EFHC2: variants seen among roughly 807,000 people sequenced by gnomAD.
The protein encoded by EFHC2 is EF-hand domain containing 2.
Under a neutral mutation model 52.7 loss-of-function variants are expected in EFHC2, and 18 were observed. The observed-to-expected ratio is 0.34, with a 90% CI of 0.24 to 0.51. EFHC2 has a LOEUF of 0.51. Ranked by LOEUF, EFHC2 falls within the 20% of genes least tolerant of loss-of-function variation. The pLI is 0.97. For synonymous variants in EFHC2, 203 were observed against 204.1 expected (o/e 0.99, Z 0.04); for missense variants, 513 against 562.5 (o/e 0.91, Z 0.89).
At chrX:44,200,270 A>G (rs1230234243) in intron 11 of EFHC2, among the ~76,000 whole-genome samples, 1 of 111,862 alleles carries the variant, frequency 8.9e-6, no homozygotes, top group Non-Finnish European at 1.9e-5. Flanking sequence ...GGAGGAAGAA[A>G]GTCCAATTTA....
At chrX:44,194,281 C>A (rs2036945202) in intron 11 of EFHC2, among the ~76,000 whole-genome samples, 1 of 111,498 alleles carries the variant, frequency 9.0e-6, no homozygotes, top group Non-Finnish European at 1.9e-5. Context: ...ATGAAGAATT[C>A]TGAGCTTGGG....
At chrX:44,292,256 G>A (rs186327311) in intron 2 of EFHC2, among the ~76,000 whole-genome samples, 5 of 109,949 alleles carry the variant, frequency 4.5e-5, no homozygotes, top group Non-Finnish European at 7.6e-5. Flanking sequence ...ATGTAGGTTC[G>A]GTACCCCATA....
At chrX:44,162,389 C>T (rs762118475) in intron 14 of EFHC2, among the ~76,000 whole-genome samples, 1 of 111,564 alleles carries the variant, frequency 9.0e-6, no homozygotes, top group East Asian at 2.8e-4. Flanking sequence ...TATCACTGCA[C>T]TCCAGCCTGG....
At chrX:44,339,006 C>G (rs1182937667) in intron 1 of EFHC2, among the ~76,000 whole-genome samples, 1 of 110,809 alleles carries the variant, frequency 9.0e-6, no homozygotes, top group African/African-American at 3.3e-5. Context: ...GCCTGATCAA[C>G]ATGGTAAAAC....
At chrX:44,198,744 G>C (rs1027830755) in intron 11 of EFHC2, among the ~76,000 whole-genome samples, 2 of 111,147 alleles carry the variant, frequency 1.8e-5, no homozygotes, top group African/African-American at 6.6e-5. Context: ...TAAGAGCTTA[G>C]ATTTTTTAAC....
intron 11 of EFHC2, among the ~76,000 whole-genome samples, chrX:44,209,019 CTGTGTGTGTGTG>C (rs753101565): frequency 0.034 from 2,384 of 69,872 alleles, 62 homozygotes; most frequent in African/African-American, 0.041. Flanking sequence ...GATTGGCAAT[CTGTGTGTGTGTG>C]TGTGTGTGTG....
chrX:44,266,973 T>C (rs1254823943), intron 3 of EFHC2, among the ~76,000 whole-genome samples: 1 of 111,777 alleles, frequency 8.9e-6, no homozygotes, highest in Non-Finnish European at 1.9e-5. Flanking sequence ...TCAACCAAGA[T>C]GCACTAAGAA....
At position 44,186,932 on chromosome X, in the gene EFHC2, A is replaced by G. The variant is rs146649596; in HGVS notation, c.1752-8368T>C. Among the ~76,000 whole-genome samples, 227 of 107,525 alleles carry G rather than the reference A, an allele frequency of 2.1e-3. 1 individual carries two copies. Among genetic ancestry groups the G allele is most frequent in the African/African-American group, 7.4e-3 (217 of 29,169 alleles). The allele number at this position is 107,525 out of a possible 115,157, so 93.4% of individuals were successfully genotyped here. On this transcript the variant is annotated intron_variant, in intron 11 of 14. Transcript: ENST00000420999. Reference sequence around the variant, plus strand: ...CAAGAGTTCAAGGCCAACCTGGGAAACCTAATGAGACTCCATCTCTACCAA... The same window carrying G: ...CAAGAGTTCAAGGCCAACCTGGGAAGCCTAATGAGACTCCATCTCTACCAA...
At chrX:44,191,285 G>T (rs1162595437) in intron 11 of EFHC2, among the ~76,000 whole-genome samples, 2 of 110,813 alleles carry the variant, frequency 1.8e-5, no homozygotes, top group Non-Finnish European at 3.8e-5. Context: ...GCCCAGGCTG[G>T]AGTGCAATGG....
intron 13 of EFHC2, among the ~76,000 whole-genome samples, chrX:44,175,700 A>G (rs898973640): frequency 2.7e-5 from 3 of 111,937 alleles, no homozygotes; most frequent in African/African-American, 9.7e-5. Flanking sequence ...ATCAAGATAT[A>G]TAAGTCAGAG....
intron 2 of EFHC2, chrX:44,286,104 G>T: frequency 1.7e-5 from 2 of 117,560 alleles, no homozygotes; most frequent in South Asian, 2.9e-4. Flanking sequence ...CTCCCTCGCT[G>T]GGTTCCCAAA....
chrX:44,237,982 G>A (rs1353901129), intron 8 of EFHC2, among the ~76,000 whole-genome samples: 1 of 111,366 alleles, frequency 9.0e-6, no homozygotes, highest in Non-Finnish European at 1.9e-5. Flanking sequence ...ACATGCTGAT[G>A]GCATCCACAT....
chrX:44,168,618 G>A (rs141652521), intron 13 of EFHC2, among the ~76,000 whole-genome samples: 2,178 of 111,415 alleles, frequency 0.02, 22 homozygotes, highest in Non-Finnish European at 0.031. Flanking sequence ...AGAGACCAGA[G>A]GCTTGTTCTC....
Position 44,320,557 on chromosome X carries a change from C to T in EFHC2, c.43-7801G>A, listed in dbSNP as rs753784583. On this transcript the variant is annotated intron_variant, in intron 1 of 14. Coordinates refer to ENST00000420999, the MANE Select transcript of EFHC2 (RefSeq NM_025184.4). The stretch of plus-strand genomic sequence containing the variant: ...ATTCACGTGGGTCCTAACTGTCTCT[C>T]CTTGCAGTACTGGCTTACTTGTGTC... Among the ~76,000 whole-genome samples, 17 of 111,521 alleles carry T rather than the reference C, an allele frequency of 1.5e-4. No homozygotes were observed. In the Admixed American group the frequency reaches 1.6e-3, roughly 11 times the overall value.
intron 2 of EFHC2, among the ~76,000 whole-genome samples, chrX:44,292,086 T>C (rs2037796042): frequency 9.0e-6 from 1 of 111,678 alleles, no homozygotes; most frequent in African/African-American, 3.3e-5. Context: ...ACATTCAATA[T>C]GAAAAATACA....
chrX:44,206,243 C>T (rs2037047638), intron 11 of EFHC2, among the ~76,000 whole-genome samples: 1 of 111,867 alleles, frequency 8.9e-6, no homozygotes, highest in African/African-American at 3.2e-5. Context: ...GTTTATAGTG[C>T]TAAAGGCTTA....
At chrX:44,169,632 T>C (rs1352847801) in intron 13 of EFHC2, among the ~76,000 whole-genome samples, 3 of 109,687 alleles carry the variant, frequency 2.7e-5, no homozygotes, top group East Asian at 5.7e-4. Flanking sequence ...AAATAATTAA[T>C]AGAAAGTTTC....
chrX:44,280,674 TTA>T (rs1353781285), intron 2 of EFHC2, among the ~76,000 whole-genome samples: 1 of 112,100 alleles, frequency 8.9e-6, no homozygotes, highest in Non-Finnish European at 1.9e-5. Context: ...TAAAATATTC[TTA>T]TGTGTTAGCA....
chrX:44,335,480 G>T (rs1363288500), intron 1 of EFHC2, among the ~76,000 whole-genome samples: 2 of 111,410 alleles, frequency 1.8e-5, no homozygotes, highest in African/African-American at 6.5e-5. Context: ...TGATTTAAAT[G>T]AAACTAAAAC....
Sources: gnomAD v4.1 joint callset for allele counts (sites outside exome capture counted in the v4.1 genomes callset) on GRCh38, gnomAD v4.1.1 for gene constraint, MANE v1.5 for transcripts, NCBI Gene and HGNC (gene_info 2026-07-23, HGNC 2026-07-21) for gene names.